Variants in MAP2K5 observed in about 807,000 individuals in gnomAD.
MAP2K5 encodes mitogen-activated protein kinase kinase 5.
Under a neutral mutation model 83.1 loss-of-function variants are expected in MAP2K5, and 49 were observed. The ratio of observed to expected loss-of-function variants is 0.59; its 90% CI spans 0.47 to 0.75. The LOEUF is 0.75. Ranked by LOEUF, MAP2K5 falls within the 30% of genes least tolerant of loss-of-function variation. The pLI is 0.00. For synonymous variants in MAP2K5, 202 were observed against 191.8 expected, an observed-to-expected ratio of 1.05 and a Z score of -0.44; for missense variants, 457 against 557.5, an observed-to-expected ratio of 0.82 and a Z score of 1.82.
chr15:67,732,079 T>C (rs2089235367), intron 17 of MAP2K5, among the ~76,000 whole-genome samples: 2 of 152,248 alleles, frequency 1.3e-5, no homozygotes, highest in African/African-American at 4.8e-5. Context: ...AATAGGATAA[T>C]GAAAAATTGC....
rs201761109 is a variant in MAP2K5 at position 67,586,826 on chromosome 15, G to C, written c.364-20G>C. On this transcript the variant is annotated intron_variant, in intron 5 of 21. Transcript: ENST00000178640. The stretch of plus-strand genomic sequence containing the variant: ...GTCCTCAGAACACAAGACTGATCAA[G>C]ATTCTTTCTTTACTTATAGGTGAAT... The C allele has an allele frequency of 9.9e-6, 16 of 1,611,684 alleles. No individual in the cohort carries two copies. Among genetic ancestry groups the C allele is most frequent in the Non-Finnish European group, 1.7e-6 (2 of 1,177,894 alleles).
In MAP2K5 at chr15:67,724,310, G is replaced by A. The variant is rs891742335; in HGVS notation, c.1045-3606G>A. ...CCTGTGTGTGAAATATTCACTTGGAGCATATGTGCTCCTTCTTCCCCATAA... is the reference window on the plus strand; with the variant it reads ...CCTGTGTGTGAAATATTCACTTGGAACATATGTGCTCCTTCTTCCCCATAA... On this transcript the variant is annotated intron_variant, in intron 16 of 21. Transcript: ENST00000178640. The surrounding 1 kb of genome is among the most constrained non-coding windows in gnomAD (Gnocchi z 4.4). Among the ~76,000 whole-genome samples, 1 of 152,160 alleles carries A rather than the reference G, an allele frequency of 6.6e-6. No individual in the cohort carries two copies. The highest frequency in any genetic ancestry group is 2.4e-5 in the African/African-American group (1 of 41,436).
chr15:67,627,837 T>C (rs552123448), intron 8 of MAP2K5: 9 of 490,618 alleles, frequency 1.8e-5, no homozygotes, highest in Non-Finnish European at 3.8e-6. Flanking sequence ...AAAGTCTCTG[T>C]TCTCCCTGCT....
chr15:67,705,690 C>T (rs923031024), intron 16 of MAP2K5, among the ~76,000 whole-genome samples: 3 of 151,676 alleles, frequency 2.0e-5, no homozygotes, highest in Non-Finnish European at 4.4e-5. Flanking sequence ...GAGCCAAGAT[C>T]GTGCCATTGT....
In MAP2K5 at chr15:67,704,084, A is replaced by G. The variant is rs879829887; in HGVS notation, c.1044+676A>G. On this transcript the variant is annotated intron_variant, in intron 16 of 21. Transcript: ENST00000178640. ...CTAGATGTAGCTCCATTAGAACTCTATGCTATGTTTTTTTTAATAAAATGA... is the reference window on the plus strand; with the variant it reads ...CTAGATGTAGCTCCATTAGAACTCTGTGCTATGTTTTTTTTAATAAAATGA... 2.6e-5 allele frequency among the ~76,000 whole-genome samples: 4 copies of G among 152,180 alleles called. No individual in the cohort carries two copies. The East Asian group carries it at 5.8e-4, about 22-fold the overall frequency.
chr15:67,556,191 T>C (rs1016945572), intron 2 of MAP2K5, among the ~76,000 whole-genome samples: 3 of 152,242 alleles, frequency 2.0e-5, no homozygotes, highest in Admixed American at 1.3e-4. Context: ...AATATTAAGG[T>C]TGGCCCTTTG....
chr15:67,591,367 C>T (rs2085404929), intron 6 of MAP2K5, among the ~76,000 whole-genome samples: 1 of 150,284 alleles, frequency 6.7e-6, no homozygotes, highest in South Asian at 2.1e-4. Flanking sequence ...GTAGAGTTAA[C>T]AGGCTTTATT....
At position 67,563,530 on chromosome 15, in the gene MAP2K5, C is replaced by T. The variant is rs1388486101; in HGVS notation, c.252+180C>T. On this transcript the variant is annotated intron_variant, in intron 3 of 21. Transcript: ENST00000178640. This position sits in a 1 kb window ranked among gnomAD's most constrained non-coding sequence, Gnocchi z 4.5. ...TTAAGGGCATTATTTTCAAAAGACA[C>T]TTACTGATCATATCATAAACATTAA... is the stretch of plus-strand genomic sequence containing the variant. Among the ~76,000 whole-genome samples the T allele has an allele frequency of 6.6e-6, 1 of 152,124 alleles. No individual in the cohort carries two copies. Among genetic ancestry groups the T allele is most frequent in the African/African-American group, 2.4e-5 (1 of 41,420 alleles).
Position 67,543,951 on chromosome 15 carries a change from C to T in MAP2K5, c.135+481C>T, listed in dbSNP as rs2084345392. The stretch of plus-strand genomic sequence containing the variant: ...TTTGAGACAGGGCCTCACTCTGTCG[C>T]TCAGGCTGCAGTGCTGTGGCACGAT... On this transcript the variant is annotated intron_variant, in intron 1 of 21. Coordinates refer to ENST00000178640, the MANE Select transcript of MAP2K5 (RefSeq NM_145160.3). The surrounding 1 kb of genome is among the most constrained non-coding windows in gnomAD (Gnocchi z 4.3). Among the ~76,000 whole-genome samples the T allele has an allele frequency of 6.6e-6, 1 of 152,254 alleles. No homozygotes were observed. The highest frequency in any genetic ancestry group is 2.4e-5 in the African/African-American group (1 of 41,468).
intron 21 of MAP2K5, among the ~76,000 whole-genome samples, chr15:67,806,091 A>G (rs932051057): frequency 6.6e-6 from 1 of 152,234 alleles, no homozygotes; most frequent in Admixed American, 6.5e-5. Flanking sequence ...TCCTGTGCAC[A>G]GCCCAGCACA....
In MAP2K5 at chr15:67,774,674, T is replaced by G. The variant is rs769416837; in HGVS notation, c.1242+1922T>G. Among the ~76,000 whole-genome samples, 1 of 152,200 alleles carries G rather than the reference T, an allele frequency of 6.6e-6. No homozygotes were observed. Among genetic ancestry groups the G allele is most frequent in the African/African-American group, 2.4e-5 (1 of 41,444 alleles). ...TAATTTTTCCTTTTCTCTTCCCACC[T>G]ACAACCTATTTGATGGTGCTCCCAT... On this transcript the variant is annotated intron_variant, in intron 21 of 21. Coordinates refer to ENST00000178640, the MANE Select transcript of MAP2K5 (RefSeq NM_145160.3). The surrounding 1 kb of genome is among the most constrained non-coding windows in gnomAD (Gnocchi z 4.9).
intron 13 of MAP2K5, chr15:67,670,505 A>G: frequency 2.2e-6 from 1 of 454,176 alleles, no homozygotes; most frequent in Non-Finnish European, 4.4e-6. Context: ...TTAAAATTAA[A>G]AAGTAAACCA....
Position 67,769,981 on chromosome 15 carries a change from T to C in MAP2K5, c.1196+318T>C. 4.6e-6 allele frequency: 1 copy of C among 219,576 alleles called. No individual in the cohort carries two copies. Among genetic ancestry groups the C allele is most frequent in the South Asian group, 1.2e-4 (1 of 8,522 alleles). The allele number at this position is 219,576 out of a possible 1,614,324, so 13.6% of individuals were successfully genotyped here. A position where few individuals can be genotyped will look rare whatever the true frequency, so the allele number is the denominator to read the frequency against. On this transcript the variant is annotated intron_variant, in intron 20 of 21. Coordinates refer to ENST00000178640, the MANE Select transcript of MAP2K5 (RefSeq NM_145160.3). The surrounding 1 kb of genome is among the most constrained non-coding windows in gnomAD (Gnocchi z 5.2). ...AAATACACAATTTTATAGCCCCTAC[T>C]GAACGGACGTACGAAGCTTATTTTT... is the stretch of plus-strand genomic sequence containing the variant.
At position 67,790,361 on chromosome 15, in the gene MAP2K5, G is replaced by A. The variant is rs548153041; in HGVS notation, c.1243-16285G>A. Reference sequence around the variant, plus strand: ...CTACGGGTTCATTACACTTCTGAGTGTGAGGTCTTTCCACAGAGCGCCCAA... The same window carrying A: ...CTACGGGTTCATTACACTTCTGAGTATGAGGTCTTTCCACAGAGCGCCCAA... On this transcript the variant is annotated intron_variant, in intron 21 of 21. Coordinates refer to ENST00000178640, the MANE Select transcript of MAP2K5 (RefSeq NM_145160.3). This position sits in a 1 kb window ranked among gnomAD's most constrained non-coding sequence, Gnocchi z 4.6. 7.2e-5 allele frequency among the ~76,000 whole-genome samples: 11 copies of A among 152,276 alleles called. 1 individual carries two copies. The highest frequency in any genetic ancestry group is 2.6e-4 in the Admixed American group (4 of 15,298).
intron 7 of MAP2K5, 85 bp downstream of exon 7, chr15:67,593,059 TAAAG>T (rs1567296659): frequency 1.3e-5 from 11 of 840,430 alleles, no homozygotes; most frequent in Non-Finnish European, 1.1e-5. Flanking sequence ...ATTAAACAGA[TAAAG>T]AGTCTGTGAG....
chr15:67,800,129 A>G (rs1448283739), intron 21 of MAP2K5, among the ~76,000 whole-genome samples: 2 of 152,168 alleles, frequency 1.3e-5, no homozygotes, highest in East Asian at 1.9e-4. Flanking sequence ...GCTGCCCACT[A>G]TCCTGCCACT....
chr15:67,591,437 C>A (rs11504676), intron 6 of MAP2K5, among the ~76,000 whole-genome samples: 2 of 151,180 alleles, frequency 1.3e-5, no homozygotes, highest in Non-Finnish European at 2.9e-5. Flanking sequence ...TGCAGTGGTG[C>A]GATCTTGGCT....
At chr15:67,733,965 A>C (rs374305355) in intron 17 of MAP2K5, among the ~76,000 whole-genome samples, 1 of 152,252 alleles carries the variant, frequency 6.6e-6, no homozygotes, top group African/African-American at 2.4e-5. Context: ...CATTTGCTTC[A>C]GAACCTCCTG....
chr15:67,710,497 G>GTTTTTTTTTTTTTTTTTTTTTTTTTT (rs10609519), intron 16 of MAP2K5, among the ~76,000 whole-genome samples: 2 of 81,012 alleles, frequency 2.5e-5, no homozygotes, highest in African/African-American at 4.9e-5. Context: ...ATCTTCTGAA[G>GTTTTTTTTTTTTTTTTTTTTTTTTTT]TTTTTTTTTT....
Sources: allele counts gnomAD v4.1 joint callset (sites outside exome capture counted in the v4.1 genomes callset), GRCh38; gene constraint gnomAD v4.1.1; non-coding constraint Gnocchi (gnomAD v3.1); transcripts MANE v1.5; gene names NCBI Gene and HGNC (gene_info 2026-07-23, HGNC 2026-07-21).